THSD7A: variants seen among roughly 807,000 people sequenced by gnomAD.
The protein encoded by THSD7A is thrombospondin type 1 domain containing 7A, also known as thrombospondin type-1 domain-containing protein 7A.
A neutral mutation model predicts 231.3 loss-of-function variants in THSD7A; 96 were observed. The ratio of observed to expected loss-of-function variants is 0.41; its 90% CI spans 0.35 to 0.49. The LOEUF (loss-of-function observed/expected upper bound fraction) is 0.49, where lower values mean the gene tolerates loss of function less well. Among genes scored for constraint, THSD7A ranks in the 20% least tolerant of loss-of-function variants. The probability of loss-of-function intolerance (pLI) is 0.05; values close to 1 mark genes in which losing one functional copy is unlikely to be tolerated. For missense variants in THSD7A, 2,290 were observed against 2,070.2 expected (o/e 1.11, Z -2.06); for synonymous variants, 940 against 743.3 (o/e 1.26, Z -4.30).
intron 1 of THSD7A, among the ~76,000 whole-genome samples, chr7:11,769,153 A>ATATATATATATATATATATATATAT: frequency 3.6e-5 from 1 of 27,664 alleles, no homozygotes; most frequent in Admixed American, 6.0e-4. Flanking sequence ...ATATATATAT[A>ATATATATATATATATATATATATAT]TTTTTTTTTT....
rs1198760073 is a variant in THSD7A, at chr7:11,374,071, G to GA, written c.*1722dup. 9 of 152,106 alleles carry GA rather than the reference G, an allele frequency of 5.9e-5. No homozygotes were observed. The East Asian group carries it at 1.7e-3, about 29-fold the overall frequency. 9.4% of individuals were successfully genotyped at this position (152,106 alleles called of 1,614,324 possible). ...GTAATGACTGTAAATTCTCACCTTT[G>GA]AAAAATGAATGAAAACGAAAGATGA... On this transcript the variant is annotated 3_prime_UTR_variant, in exon 28 of 28. Transcript: ENST00000423059.
chr7:11,774,814 G>A (rs1783348829), intron 1 of THSD7A, among the ~76,000 whole-genome samples: 1 of 152,176 alleles, frequency 6.6e-6, no homozygotes, highest in Admixed American at 6.5e-5. Context: ...CGGCACTTTG[G>A]GAGGACGAGG....
chr7:11,807,336 G>A (rs1562569121), intron 1 of THSD7A, among the ~76,000 whole-genome samples: 2 of 151,978 alleles, frequency 1.3e-5, no homozygotes, highest in Admixed American at 6.6e-5. Context: ...GTTAGCTACT[G>A]GTAGCAATAA....
At position 11,375,730 on chromosome 7, in the gene THSD7A, G is replaced by A; in HGVS notation, c.*64C>T. ...TCCACACAGTTTGGATACATTTGTT[G>A]TGGCCTCTGGACATCTATGAAGTCA... is the stretch of plus-strand genomic sequence containing the variant. On this transcript the variant is annotated 3_prime_UTR_variant, in exon 28 of 28. Transcript: ENST00000423059. The A allele has an allele frequency of 7.7e-7, 1 of 1,302,492 alleles. No homozygotes were observed. The highest frequency in any genetic ancestry group is 1.2e-5 in the South Asian group (1 of 80,720). 80.7% of individuals were successfully genotyped at this position (1,302,492 alleles called of 1,614,324 possible).
rs561030823 is a variant in THSD7A at position 11,667,406 on chromosome 7, C to T, written c.191-30445G>A. 4.6e-5 allele frequency among the ~76,000 whole-genome samples: 7 copies of T among 152,200 alleles called. No homozygotes were observed. In the South Asian group the frequency reaches 6.2e-4, roughly 14 times the overall value. On this transcript the variant is annotated intron_variant, in intron 1 of 27. Coordinates refer to ENST00000423059, the MANE Select transcript of THSD7A (RefSeq NM_015204.3). ...ATCAGTATTGCCTCAACCTACAACACGAGCGTTTGTACTTTATCTTTTATA... is the reference window on the plus strand; with the variant it reads ...ATCAGTATTGCCTCAACCTACAACATGAGCGTTTGTACTTTATCTTTTATA...
At position 11,470,047 on chromosome 7, in the gene THSD7A, ATAATT is replaced by A. The variant is rs1324099041; in HGVS notation, c.2253-58_2253-54del. ...CTTCAATAGTAAAGCAGAAAATCAG[ATAATT>A]TAATTTCTCTAGAATTTTCACTGGT... On this transcript the variant is annotated intron_variant, in intron 8 of 27. Coordinates refer to ENST00000423059, the MANE Select transcript of THSD7A (RefSeq NM_015204.3). 5.6e-6 allele frequency: 7 copies of A among 1,249,690 alleles called. No homozygotes were observed. In the Admixed American group the frequency reaches 1.4e-4, roughly 25 times the overall value. The allele number at this position is 1,249,690 out of a possible 1,614,324, so 77.4% of individuals were successfully genotyped here.
chr7:11,739,942 G>C (rs1782051267), intron 1 of THSD7A, among the ~76,000 whole-genome samples: 1 of 151,884 alleles, frequency 6.6e-6, no homozygotes, highest in South Asian at 2.1e-4. Context: ...GTGCTAGCTT[G>C]GTATCAAAAC....
intron 19 of THSD7A, 148 bp from the exon 20 acceptor site, chr7:11,407,571 T>C: frequency 3.1e-6 from 2 of 641,656 alleles, no homozygotes; most frequent in Admixed American, 2.8e-5. Context: ...ATCCAAACTA[T>C]TGAAAGTATA....
chr7:11,652,359 G>C (rs1276773186), intron 1 of THSD7A, among the ~76,000 whole-genome samples: 2 of 151,910 alleles, frequency 1.3e-5, no homozygotes, highest in African/African-American at 4.8e-5. Flanking sequence ...AGACTACTGT[G>C]ATACACTTAG....
intron 2 of THSD7A, among the ~76,000 whole-genome samples, chr7:11,620,559 A>G (rs1225474705): frequency 1.3e-5 from 2 of 152,146 alleles, no homozygotes; most frequent in African/African-American, 4.8e-5. Context: ...CTGGATATTG[A>G]ATGACAACAC....
intron 4 of THSD7A, among the ~76,000 whole-genome samples, chr7:11,581,822 C>T (rs1048436489): frequency 6.6e-6 from 1 of 151,868 alleles, no homozygotes; most frequent in African/African-American, 2.4e-5. Flanking sequence ...TTGTTATTTC[C>T]TTGAAAAAAT....
chr7:11,434,604 A>G lies in THSD7A; in HGVS notation c.3065-5479T>C, dbSNP rs573815232. On this transcript the variant is annotated intron_variant, in intron 13 of 27. Coordinates refer to ENST00000423059, the MANE Select transcript of THSD7A (RefSeq NM_015204.3). ...TGATTTATAGCTGTGTGAATGAGTA[A>G]CTCTGGCATTCTCTCTGAAACATCT... Among the ~76,000 whole-genome samples the G allele has an allele frequency of 8.6e-4, 131 of 152,208 alleles. 1 individual carries two copies. The highest frequency in any genetic ancestry group is 6.8e-3 in the Middle Eastern group (2 of 294).
At chr7:11,690,994 C>A (rs1031687571) in intron 1 of THSD7A, among the ~76,000 whole-genome samples, 1 of 151,644 alleles carries the variant, frequency 6.6e-6, no homozygotes, top group East Asian at 2.0e-4. Flanking sequence ...AAAAAGGCAG[C>A]TGACATTTTC....
intron 1 of THSD7A, among the ~76,000 whole-genome samples, chr7:11,672,531 TTA>T (rs1322198677): frequency 1.3e-5 from 2 of 152,168 alleles, no homozygotes; most frequent in Non-Finnish European, 2.9e-5. Context: ...TTTTGCATAT[TTA>T]TGTTGGTAGT....
chr7:11,709,123 T>C (rs1584243757), intron 1 of THSD7A, among the ~76,000 whole-genome samples: 1 of 150,768 alleles, frequency 6.6e-6, no homozygotes, highest in East Asian at 2.0e-4. Flanking sequence ...AGCTAAGCTA[T>C]GAACAAGACA....
intron 6 of THSD7A, among the ~76,000 whole-genome samples, chr7:11,530,722 A>T (rs1788670555): frequency 6.6e-6 from 1 of 152,056 alleles, no homozygotes; most frequent in Non-Finnish European, 1.5e-5. Context: ...CCAGTAAAAA[A>T]CTTCTGCCCA....
intron 1 of THSD7A, among the ~76,000 whole-genome samples, chr7:11,643,930 C>T (rs1445798030): frequency 6.6e-6 from 1 of 151,894 alleles, no homozygotes; most frequent in East Asian, 1.9e-4. Context: ...CTTCCACCAG[C>T]AATTCCTGAG....
intron 1 of THSD7A, among the ~76,000 whole-genome samples, chr7:11,794,552 G>A (rs1304045359): frequency 6.6e-6 from 1 of 151,876 alleles, no homozygotes; most frequent in Non-Finnish European, 1.5e-5. Flanking sequence ...TTTAATTCAG[G>A]TCAATCTCTT....
At chr7:11,626,344 C>A (rs111969172) in intron 2 of THSD7A, among the ~76,000 whole-genome samples, 1 of 151,980 alleles carries the variant, frequency 6.6e-6, no homozygotes, top group Non-Finnish European at 1.5e-5. Context: ...ATGTTTATGA[C>A]CTTGATCATT....
Sources: gnomAD v4.1 joint callset for allele counts (sites outside exome capture counted in the v4.1 genomes callset) on GRCh38, gnomAD v4.1.1 for gene constraint, MANE v1.5 for transcripts, NCBI Gene and HGNC (gene_info 2026-07-23, HGNC 2026-07-21) for gene names.